The following SLC35A5 variants were observed in gnomAD, a reference collection of about 807,000 sequenced individuals.
The protein encoded by SLC35A5 is UDP-sugar transporter protein SLC35A5.
A neutral mutation model predicts 36.3 loss-of-function variants in SLC35A5; 28 were observed. The ratio of observed to expected loss-of-function variants is 0.77; its 90% CI spans 0.57 to 1.06. SLC35A5 has a LOEUF of 1.06. SLC35A5 is among the 50% of genes least tolerant of loss of function. The pLI, the probability that SLC35A5 is intolerant of heterozygous loss-of-function variation, is 0.00. For synonymous variants in SLC35A5, 180 were observed against 173.7 expected (o/e 1.04, Z -0.29); for missense variants, 521 against 499.3 (o/e 1.04, Z -0.41).
At chr3:112,561,363 G>T (rs1480595451), upstream of SLC35A5, 34 of 1,315,774 alleles carry the variant, frequency 2.6e-5, no homozygotes, top group Non-Finnish European at 3.6e-5. Flanking sequence ...CCTACACCTT[G>T]CCCCGCCGGA....
Position 112,569,270 on chromosome 3 carries a change from G to A in SLC35A5, c.229+1G>A, listed in dbSNP as rs760417332. 1 of 1,613,038 alleles carries A rather than the reference G, an allele frequency of 6.2e-7. No individual in the cohort carries two copies. Among genetic ancestry groups the A allele is most frequent in the South Asian group, 1.1e-5 (1 of 90,976 alleles). On this transcript the variant is annotated splice_donor_variant, in intron 3 of 6. Transcript: ENST00000492406. LOFTEE classifies it high-confidence loss of function. ...GTGTCATTCTGTGTTATAAAGAAAG[G>A]TAAGTCTTGAAATGGTACTATATAC...
At chr3:112,563,709 TTGATAATGGA>T (rs770841514) in intron 2 of SLC35A5, among the ~76,000 whole-genome samples, 176 bp downstream of exon 2, 27 of 152,248 alleles carry the variant, frequency 1.8e-4, no homozygotes, top group Non-Finnish European at 3.4e-4. Context: ...GAAAAAATGT[TTGATAATGGA>T]TGAAATGTGA....
intron 5 of SLC35A5, among the ~76,000 whole-genome samples, chr3:112,575,350 CT>C (rs1934618018): frequency 6.6e-6 from 1 of 152,094 alleles, no homozygotes; most frequent in African/African-American, 2.4e-5. Flanking sequence ...ACTGAATTTA[CT>C]AAAGACTAAA....
At chr3:112,578,073 ATATC>A (rs1934746309) in intron 5 of SLC35A5, among the ~76,000 whole-genome samples, 2 of 152,190 alleles carry the variant, frequency 1.3e-5, no homozygotes, top group Non-Finnish European at 2.9e-5. Context: ...TATATAGAAA[ATATC>A]TAAACAATTT....
chr3:112,564,611 C>G (rs1271589185), intron 2 of SLC35A5, among the ~76,000 whole-genome samples: 1 of 152,200 alleles, frequency 6.6e-6, no homozygotes, highest in Non-Finnish European at 1.5e-5. Context: ...ACTAATCCTC[C>G]TCAGCACAGA....
chr3:112,563,090 A>G (rs1934009937), intron 1 of SLC35A5, among the ~76,000 whole-genome samples: 1 of 152,232 alleles, frequency 6.6e-6, no homozygotes, highest in Non-Finnish European at 1.5e-5. Context: ...ATTTAAAAAT[A>G]AAATTCAAAA....
At chr3:112,577,204 GA>G (rs1253891924) in intron 5 of SLC35A5, among the ~76,000 whole-genome samples, 7 of 151,510 alleles carry the variant, frequency 4.6e-5, no homozygotes, top group Non-Finnish European at 5.9e-5. Flanking sequence ...TTGAAAGTGG[GA>G]AAAAAAATAT....
At chr3:112,568,422 T>A (rs1934294966) in intron 2 of SLC35A5, among the ~76,000 whole-genome samples, 1 of 152,126 alleles carries the variant, frequency 6.6e-6, no homozygotes, top group South Asian at 2.1e-4. Flanking sequence ...GTAAAGCGAG[T>A]TGTTTGTAAG....
intron 1 of SLC35A5, 44 bp from the exon 2 acceptor site, chr3:112,563,341 G>A: frequency 1.4e-6 from 2 of 1,393,572 alleles, no homozygotes; most frequent in Non-Finnish European, 1.9e-6. Context: ...TTGCGTTTAG[G>A]GTCTGCCAAC....
chr3:112,577,297 T>C lies in SLC35A5; in HGVS notation c.429-3249T>C, dbSNP rs145880391. 2.8e-3 allele frequency among the ~76,000 whole-genome samples: 431 copies of C among 152,316 alleles called. 4 individuals carry two copies. Among genetic ancestry groups the C allele is most frequent in the African/African-American group, 9.9e-3 (413 of 41,570 alleles). On this transcript the variant is annotated intron_variant, in intron 5 of 6. Transcript: ENST00000492406. ...CTCATAAAAGACAATATTAGATTAT[T>C]AGCATGTTATTTTCCAAGGATTCAA...
At chr3:112,566,796 C>T (rs368310162) in intron 2 of SLC35A5, among the ~76,000 whole-genome samples, 2 of 152,140 alleles carry the variant, frequency 1.3e-5, no homozygotes, top group African/African-American at 2.4e-5. Flanking sequence ...AGATAAAGAA[C>T]GTTGATACTG....
intron 2 of SLC35A5, among the ~76,000 whole-genome samples, chr3:112,568,395 T>C: frequency 6.6e-6 from 1 of 152,254 alleles, no homozygotes; most frequent in East Asian, 1.9e-4. Flanking sequence ...AAGTTTATGT[T>C]TATCCTTGGC....
chr3:112,583,052 G>A lies in SLC35A5; in HGVS notation c.*316G>A. 2 of 443,592 alleles carry A rather than the reference G, an allele frequency of 4.5e-6. No individual in the cohort carries two copies. Among genetic ancestry groups the A allele is most frequent in the Non-Finnish European group, 7.9e-6 (2 of 252,990 alleles). The allele number at this position is 443,592 out of a possible 1,614,324, so 27.5% of individuals were successfully genotyped here. A position where few individuals can be genotyped will look rare whatever the true frequency, so the allele number is the denominator to read the frequency against. On this transcript the variant is annotated 3_prime_UTR_variant, in exon 7 of 7. Transcript: ENST00000492406. ...CAAAAAACTTGTAATAATCATGTTA[G>A]CTATAGCTTGTATATACACATAGAG...
rs967891942 is a variant in SLC35A5, at chr3:112,570,424, G to A, written c.230-116G>A. On this transcript the variant is annotated intron_variant, in intron 3 of 6. Coordinates refer to ENST00000492406, the MANE Select transcript of SLC35A5 (RefSeq NM_017945.5). ...GTTGAAGAGAGACAGTAATGAAATGGAGGCACGTTTATAAAGCTCCCTTTA... is the reference window on the plus strand; with the variant it reads ...GTTGAAGAGAGACAGTAATGAAATGAAGGCACGTTTATAAAGCTCCCTTTA... 1.5e-5 allele frequency: 18 copies of A among 1,165,994 alleles called. No individual in the cohort carries two copies. The African/African-American group carries it at 2.2e-4, about 14-fold the overall frequency. 72.2% of individuals were successfully genotyped at this position (1,165,994 alleles called of 1,614,324 possible).
intron 5 of SLC35A5, among the ~76,000 whole-genome samples, chr3:112,579,468 C>A (rs1383880360): frequency 6.6e-6 from 1 of 151,894 alleles, no homozygotes; most frequent in Non-Finnish European, 1.5e-5. Context: ...GATTTTGTTC[C>A]CCCAAGAGGC....
intron 1 of SLC35A5, among the ~76,000 whole-genome samples, chr3:112,562,544 T>A (rs1314419244): frequency 2.0e-5 from 3 of 152,234 alleles, no homozygotes; most frequent in Non-Finnish European, 4.4e-5. Flanking sequence ...TGGGGTTTAG[T>A]GTCCTCAGCC....
chr3:112,581,307 T>G lies in SLC35A5; in HGVS notation c.1190T>G (p.Leu397Arg). 1.2e-6 allele frequency: 2 copies of G among 1,608,984 alleles called. No homozygotes were observed. Among genetic ancestry groups the G allele is most frequent in the South Asian group, 2.2e-5 (2 of 90,370 alleles). Reference sequence around the variant, plus strand: ...AGGATCCGAGATCTAAGTGGCAATCTTTGGGAGCGTTCCAGTGGGGTAAGT... The same window carrying G: ...AGGATCCGAGATCTAAGTGGCAATCGTTGGGAGCGTTCCAGTGGGGTAAGT... ...QERIRDLSGN[L>R]WERSSGDGEE... The change falls in exon 6 of 7, where the codon CTT becomes CGT. Residue 397 changes from leucine to arginine, a missense_variant. By Grantham distance (102) the Leu-to-Arg change is moderately radical. Coordinates refer to ENST00000492406, the MANE Select transcript of SLC35A5 (RefSeq NM_017945.5).
At chr3:112,568,267 A>G (rs2060553561) in intron 2 of SLC35A5, among the ~76,000 whole-genome samples, 1 of 152,236 alleles carries the variant, frequency 6.6e-6, no homozygotes, top group African/African-American at 2.4e-5. Context: ...CTGGATAGAC[A>G]GTGTCCACTT....
At chr3:112,561,656 GGACGGGACGCGACGC>G (rs1387145570), upstream of SLC35A5, 3 of 955,112 alleles carry the variant, frequency 3.1e-6, no homozygotes, top group African/African-American at 3.4e-5. Context: ...GCACCCGAGG[GGACGGGACGCGACGC>G]GACGGGACGG....
Sources: allele counts gnomAD v4.1 joint callset (sites outside exome capture counted in the v4.1 genomes callset), GRCh38; gene constraint gnomAD v4.1.1; transcripts MANE v1.5; gene names NCBI Gene and HGNC (gene_info 2026-07-23, HGNC 2026-07-21).